Variants in MYO16 observed in about 807,000 individuals in gnomAD.
MYO16 encodes unconventional myosin-XVI.
In MYO16, 94 loss-of-function variants were observed where a neutral mutation model predicts 205.3. The observed-to-expected ratio is 0.46, with a 90% confidence interval of 0.39 to 0.54. The LOEUF (loss-of-function observed/expected upper bound fraction) is 0.54, where lower values mean the gene tolerates loss of function less well. MYO16 is among the 20% of genes least tolerant of loss of function. MYO16 has a pLI of 0.00. For synonymous variants in MYO16, 988 were observed against 954.0 expected (o/e 1.04, Z -0.66); for missense variants, 2,315 against 2,387.5 (o/e 0.97, Z 0.63).
At chr13:108,879,690 C>G (rs75615426) in intron 12 of MYO16, among the ~76,000 whole-genome samples, 1 of 152,194 alleles carries the variant, frequency 6.6e-6, no homozygotes, top group Non-Finnish European at 1.5e-5. Flanking sequence ...AGGACATGAA[C>G]TCATCCTTTT....
rs1410381075 is a variant in MYO16 at position 109,207,125 on chromosome 13, G to A, written c.*289G>A. 2.3e-5 allele frequency: 9 copies of A among 389,558 alleles called. No homozygotes were observed. Among genetic ancestry groups the A allele is most frequent in the Non-Finnish European group, 4.3e-5 (9 of 211,214 alleles). 24.1% of individuals were successfully genotyped at this position (389,558 alleles called of 1,614,324 possible). On this transcript the variant is annotated 3_prime_UTR_variant, in exon 35 of 35. Coordinates refer to ENST00000457511, the MANE Select transcript of MYO16 (RefSeq NM_001198950.3). ...TAGCAAGAGAGAGGCTGGGAAAAGT[G>A]TGGACGTGGCCAGAGCGAGAGAGTA...
chr13:108,754,301 A>G (rs541002636), intron 4 of MYO16, among the ~76,000 whole-genome samples: 10 of 152,348 alleles, frequency 6.6e-5, no homozygotes, highest in African/African-American at 2.4e-4. Flanking sequence ...AAGCTGTAGC[A>G]TGCAGGACAA....
chr13:109,001,333 C>T (rs901179410), intron 21 of MYO16, among the ~76,000 whole-genome samples: 6 of 152,034 alleles, frequency 3.9e-5, no homozygotes, highest in African/African-American at 7.2e-5. Flanking sequence ...GTGCTGACTG[C>T]GGGTCCCAAT....
In MYO16 at chr13:108,760,438, C is replaced by A. The variant is rs544163822; in HGVS notation, c.508-25197C>A. Among the ~76,000 whole-genome samples, 668 of 151,466 alleles carry A rather than the reference C, an allele frequency of 4.4e-3. 5 individuals are homozygous for A. Among genetic ancestry groups the A allele is most frequent in the African/African-American group, 0.015 (627 of 41,352 alleles). On this transcript the variant is annotated intron_variant, in intron 4 of 34. Coordinates refer to ENST00000457511, the MANE Select transcript of MYO16 (RefSeq NM_001198950.3). The stretch of plus-strand genomic sequence containing the variant: ...TAAATCTATTCCATATCTGCTTCTT[C>A]TTGGCTGACAGTAAATCCTTAATGA...
chr13:109,171,901 T>C (rs944150263), intron 33 of MYO16, among the ~76,000 whole-genome samples: 4 of 152,244 alleles, frequency 2.6e-5, no homozygotes, highest in African/African-American at 9.6e-5. Flanking sequence ...CTATTTTTAA[T>C]TTGCATTATG....
At chr13:108,881,840 G>T (rs1486815353) in intron 12 of MYO16, among the ~76,000 whole-genome samples, 1 of 152,168 alleles carries the variant, frequency 6.6e-6, no homozygotes, top group East Asian at 1.9e-4. Context: ...TGAAAGTGAC[G>T]AGGAGAATGG....
chr13:108,792,545 C>T (rs28697939), intron 5 of MYO16, among the ~76,000 whole-genome samples: 55,844 of 141,160 alleles, frequency 0.4, 10,760 homozygotes, highest in Middle Eastern at 0.53. Context: ...GAGTTTTGCT[C>T]TTGGTGCCCA....
intron 7 of MYO16, among the ~76,000 whole-genome samples, chr13:108,810,754 G>A (rs1594312478): frequency 6.6e-6 from 1 of 152,168 alleles, no homozygotes; most frequent in African/African-American, 2.4e-5. Context: ...GAGACTAATG[G>A]CATTTTTAGA....
chr13:109,158,058 G>A (rs1878161557), intron 32 of MYO16, among the ~76,000 whole-genome samples: 1 of 152,082 alleles, frequency 6.6e-6, no homozygotes, highest in Non-Finnish European at 1.5e-5. Context: ...CCCTAGCTTG[G>A]GGGAGGAATA....
chr13:108,856,225 T>C (rs1338504654), intron 11 of MYO16, among the ~76,000 whole-genome samples: 2 of 152,210 alleles, frequency 1.3e-5, no homozygotes, highest in Non-Finnish European at 2.9e-5. Context: ...ACTCTCTGAT[T>C]TTGTTATATT....
chr13:109,140,149 T>C lies in MYO16; in HGVS notation c.4052-115T>C. Reference sequence around the variant, plus strand: ...TGGGTGGAGGAACATGCAGGCCCGGTCCCTTGGGATTCTCGGGGCACGGGG... The same window carrying C: ...TGGGTGGAGGAACATGCAGGCCCGGCCCCTTGGGATTCTCGGGGCACGGGG... On this transcript the variant is annotated intron_variant, in intron 31 of 34. Transcript: ENST00000457511. The surrounding 1 kb of genome is among the most constrained non-coding windows in gnomAD (Gnocchi z 8.0). 1 of 1,490,194 alleles carries C rather than the reference T, an allele frequency of 6.7e-7. No homozygotes were observed. The highest frequency in any genetic ancestry group is 1.4e-5 in the African/African-American group (1 of 69,388). 92.3% of individuals were successfully genotyped at this position (1,490,194 alleles called of 1,614,324 possible).
intron 27 of MYO16, among the ~76,000 whole-genome samples, chr13:109,060,537 G>A (rs1887559389): frequency 6.6e-6 from 1 of 152,090 alleles, no homozygotes; most frequent in Non-Finnish European, 1.5e-5. Flanking sequence ...TAATGCATGT[G>A]GGGCTTAAAA....
chr13:108,806,627 A>G (rs1887121368), intron 6 of MYO16, 52 bp from the exon 7 acceptor site: 3 of 1,564,356 alleles, frequency 1.9e-6, no homozygotes, highest in African/African-American at 1.3e-5. Flanking sequence ...AGTGAACTGC[A>G]TGAATATCAC....
At chr13:109,154,911 GAAAAAAAAAAAAAAA>G (rs59465499) in intron 32 of MYO16, among the ~76,000 whole-genome samples, 1 of 62,666 alleles carries the variant, frequency 1.6e-5, no homozygotes, top group South Asian at 7.6e-4. Flanking sequence ...GGCTAATTAT[GAAAAAAAAAAAAAAA>G]AAAAAAAAAA....
intron 16 of MYO16, among the ~76,000 whole-genome samples, chr13:108,949,286 G>A (rs1004404197): frequency 6.6e-6 from 1 of 152,092 alleles, no homozygotes; most frequent in Admixed American, 6.5e-5. Flanking sequence ...GGAGTGCGAA[G>A]AACCAAGGAG....
chr13:108,521,056 C>A, the MYO16 span, among the ~76,000 whole-genome samples: 1 of 152,080 alleles, frequency 6.6e-6, no homozygotes, highest in South Asian at 2.1e-4. Context: ...CATTTCCTTT[C>A]TTTCCTTTCT....
At chr13:108,538,160 A>G in the MYO16 span, among the ~76,000 whole-genome samples, 1 of 152,104 alleles carries the variant, frequency 6.6e-6, no homozygotes, top group Admixed American at 6.6e-5. Flanking sequence ...CACAAAATAT[A>G]TTTATGTATG....
intron 34 of MYO16, among the ~76,000 whole-genome samples, chr13:109,204,064 C>T (rs982904372): frequency 5.9e-5 from 9 of 152,194 alleles, no homozygotes; most frequent in African/African-American, 2.2e-4. Flanking sequence ...TATCTGTTCA[C>T]CTCAAAAAGC....
chr13:108,692,235 A>T lies in MYO16; in HGVS notation c.293-20426A>T, dbSNP rs534809189. On this transcript the variant is annotated intron_variant, in intron 2 of 34. Transcript: ENST00000457511. Reference sequence around the variant, plus strand: ...ACTTGCTCCTTAAAGAATGATCTTCATCATGTGAGCTTTCTATTTCCTTGA... The same window carrying T: ...ACTTGCTCCTTAAAGAATGATCTTCTTCATGTGAGCTTTCTATTTCCTTGA... 7.9e-5 allele frequency among the ~76,000 whole-genome samples: 12 copies of T among 152,364 alleles called. No individual in the cohort carries two copies. In the South Asian group the frequency reaches 2.5e-3, roughly 32 times the overall value.
Sources: allele counts gnomAD v4.1 joint callset (sites outside exome capture counted in the v4.1 genomes callset), GRCh38; gene constraint gnomAD v4.1.1; non-coding constraint Gnocchi (gnomAD v3.1); transcripts MANE v1.5; gene names NCBI Gene and HGNC (gene_info 2026-07-23, HGNC 2026-07-21).